Variants in CA10 observed in about 807,000 individuals in gnomAD.
The protein encoded by CA10 is carbonic anhydrase 10 (inactive), also known as carbonic anhydrase-related protein 10.
A neutral mutation model predicts 44.2 loss-of-function variants in CA10; 14 were observed. The ratio of observed to expected loss-of-function variants is 0.32; its 90% confidence interval spans 0.21 to 0.50. CA10 has a LOEUF of 0.50. CA10 is among the 20% of genes least tolerant of loss of function. The pLI is 0.99. For synonymous variants in CA10, 159 were observed against 141.6 expected (o/e 1.12, Z -0.87); for missense variants, 350 against 409.7 (o/e 0.85, Z 1.26).
intron 1 of CA10, among the ~76,000 whole-genome samples, chr17:52,125,276 T>A (rs1328304852): frequency 6.6e-6 from 1 of 152,202 alleles, no homozygotes; most frequent in African/African-American, 2.4e-5. Context: ...CCAGTGCTAC[T>A]GTAGTGTGAA....
intron 4 of CA10, among the ~76,000 whole-genome samples, chr17:51,721,798 A>G (rs1365929442): frequency 6.6e-6 from 1 of 152,160 alleles, no homozygotes; most frequent in African/African-American, 2.4e-5. Context: ...AAGAAGGCCT[A>G]GAAGCTTCAT....
At chr17:52,050,467 G>A (rs1322793858) in intron 2 of CA10, among the ~76,000 whole-genome samples, 1 of 151,990 alleles carries the variant, frequency 6.6e-6, no homozygotes, top group Admixed American at 6.6e-5. Context: ...TAAACAGATT[G>A]GTAAACAATG....
At chr17:51,989,893 T>C (rs1984981608) in intron 2 of CA10, among the ~76,000 whole-genome samples, 1 of 152,148 alleles carries the variant, frequency 6.6e-6, no homozygotes, top group Admixed American at 6.6e-5. Context: ...TATTATGTGC[T>C]GGTTACTGCG....
intron 4 of CA10, among the ~76,000 whole-genome samples, chr17:51,699,980 A>T (rs1422472692): frequency 6.6e-6 from 1 of 151,802 alleles, no homozygotes; most frequent in African/African-American, 2.4e-5. Flanking sequence ...CAACATCCCC[A>T]TGGGGTAGAC....
At chr17:51,953,265 C>A (rs769638862) in intron 2 of CA10, among the ~76,000 whole-genome samples, 3 of 152,104 alleles carry the variant, frequency 2.0e-5, no homozygotes, top group Non-Finnish European at 4.4e-5. Context: ...TTGATCCAAA[C>A]ATTTATTGAA....
At chr17:51,788,580 T>A (rs1351660968) in intron 3 of CA10, among the ~76,000 whole-genome samples, 1 of 152,182 alleles carries the variant, frequency 6.6e-6, no homozygotes, top group Non-Finnish European at 1.5e-5. Flanking sequence ...TGTATCAAAA[T>A]ATCACATACA....
intron 3 of CA10, among the ~76,000 whole-genome samples, chr17:51,759,740 T>C (rs368270650): frequency 1.3e-5 from 2 of 152,110 alleles, no homozygotes; most frequent in East Asian, 1.9e-4. Flanking sequence ...TGATGTTCAT[T>C]TGAGCTGAGT....
chr17:51,798,207 G>A (rs1469828764), intron 3 of CA10, among the ~76,000 whole-genome samples: 1 of 152,152 alleles, frequency 6.6e-6, no homozygotes, highest in African/African-American at 2.4e-5. Flanking sequence ...CACATTTATT[G>A]ATCAAAAATA....
intron 2 of CA10, among the ~76,000 whole-genome samples, chr17:51,940,099 T>C (rs1261194742): frequency 6.6e-6 from 1 of 152,120 alleles, no homozygotes; most frequent in Non-Finnish European, 1.5e-5. Flanking sequence ...AGGGGTCTAA[T>C]ATTTTTTCCC....
intron 4 of CA10, among the ~76,000 whole-genome samples, chr17:51,675,212 T>TGTCATTATTCTGTATG (rs1914577010): frequency 6.6e-6 from 1 of 152,126 alleles, no homozygotes; most frequent in Non-Finnish European, 1.5e-5. Flanking sequence ...TTAGCATAAT[T>TGTCATTATTCTGTATG]GTCATTATTC....
At chr17:52,092,559 G>A (rs1988295575) in intron 1 of CA10, among the ~76,000 whole-genome samples, 1 of 152,012 alleles carries the variant, frequency 6.6e-6, no homozygotes, top group Non-Finnish European at 1.5e-5. Flanking sequence ...CTAATCCATG[G>A]GCTGGGAAAT....
intron 3 of CA10, among the ~76,000 whole-genome samples, chr17:51,847,879 C>G (rs866801815): frequency 6.6e-6 from 1 of 152,098 alleles, no homozygotes; most frequent in Non-Finnish European, 1.5e-5. Context: ...TCTGAGCCAC[C>G]CTATCTGTGA....
At chr17:51,690,571 G>A (rs1896724788) in intron 4 of CA10, among the ~76,000 whole-genome samples, 1 of 152,134 alleles carries the variant, frequency 6.6e-6, no homozygotes, top group South Asian at 2.1e-4. Context: ...GTATTCCCAT[G>A]CTGTTCTTGT....
intron 2 of CA10, among the ~76,000 whole-genome samples, chr17:51,971,141 T>A (rs553372234): frequency 9.9e-5 from 15 of 152,108 alleles, no homozygotes; most frequent in Admixed American, 2.0e-4. Context: ...TTCATTAATT[T>A]CAGACCAACA....
intron 2 of CA10, among the ~76,000 whole-genome samples, chr17:52,002,205 A>T (rs7350921): frequency 0.34 from 51,880 of 151,476 alleles, 10,489 homozygotes; most frequent in East Asian, 0.73. Context: ...AGTATAATTT[A>T]AAAAAAAGAA....
At chr17:52,013,762 TA>T (rs1985882283) in intron 2 of CA10, among the ~76,000 whole-genome samples, 1 of 151,970 alleles carries the variant, frequency 6.6e-6, no homozygotes. Flanking sequence ...CATCCCACAT[TA>T]TCCACAGGGG....
intron 1 of CA10, among the ~76,000 whole-genome samples, chr17:52,130,178 A>C (rs942253139): frequency 1.3e-5 from 2 of 152,206 alleles, no homozygotes; most frequent in Admixed American, 1.3e-4. Flanking sequence ...GATATGGAGA[A>C]AAGGGATCCC....
intron 2 of CA10, among the ~76,000 whole-genome samples, chr17:51,943,641 A>C (rs1598131093): frequency 6.6e-6 from 1 of 152,136 alleles, no homozygotes. Flanking sequence ...GCTTGTTGCA[A>C]GCATGATCTG....
At chr17:51,815,801 G>T (rs1025745796) in intron 3 of CA10, among the ~76,000 whole-genome samples, 2 of 151,946 alleles carry the variant, frequency 1.3e-5, no homozygotes, top group South Asian at 4.2e-4. Flanking sequence ...GTGTGTGTGT[G>T]TATAAAAATA....
Sources: allele counts gnomAD v4.1 joint callset (sites outside exome capture counted in the v4.1 genomes callset), GRCh38; gene constraint gnomAD v4.1.1; transcripts MANE v1.5; gene names NCBI Gene and HGNC (gene_info 2026-07-23, HGNC 2026-07-21).